The following LOXL4 variants were observed in gnomAD, a reference collection of about 807,000 sequenced individuals.
The protein encoded by LOXL4 is lysyl oxidase like 4, also known as lysyl oxidase homolog 4.
LOXL4 carries 72 observed loss-of-function variants against 89.1 expected under a neutral mutation model. The ratio of observed to expected loss-of-function variants is 0.81; its 90% CI spans 0.67 to 0.98. The LOEUF is 0.98. LOXL4 is among the 50% of genes least tolerant of loss of function. The pLI, the probability that LOXL4 is intolerant of heterozygous loss-of-function variation, is 0.00. For missense variants in LOXL4, 984 were observed against 1,017.5 expected (o/e 0.97, Z 0.45); for synonymous variants, 355 against 392.1 (o/e 0.91, Z 1.12).
chr10:98,258,152 G>A lies in LOXL4; in HGVS notation c.934C>T (p.Arg312Cys), dbSNP rs369940076. 33 of 1,611,086 alleles carry A rather than the reference G, an allele frequency of 2.0e-5. No homozygotes were observed. The highest frequency in any genetic ancestry group is 2.5e-5 in the Non-Finnish European group (30 of 1,178,680). ...KGSWAEEPRVRLRSGAQVGEG... is the reference protein window; with the variant it reads ...KGSWAEEPRVCLRSGAQVGEG... ...CCCACCTGGGCCCCGGAGCGCAGGC[G>A]CACCCTCGGCTCCTGCTGGGAGAAA... Residue 312 changes from arginine to cysteine, a missense_variant, in exon 7 of 15, where the codon CGC (arginine) becomes TGC (cysteine). Transcript: ENST00000260702.
intron 1 of LOXL4, among the ~76,000 whole-genome samples, chr10:98,266,710 C>T (rs867544145): frequency 2.3e-4 from 35 of 152,166 alleles, no homozygotes; most frequent in African/African-American, 8.0e-4. Context: ...CTATAGCCTT[C>T]GTCTCCCAGC....
chr10:98,258,047 C>T lies in LOXL4; in HGVS notation c.1039G>A (p.Val347Ile), dbSNP rs1304946592. The T allele has an allele frequency of 6.2e-7, 1 of 1,613,900 alleles. No homozygotes were observed. Residue 347 changes from valine (V) to isoleucine (I), a missense_variant, in exon 7 of 15, where the codon GTC (valine) becomes ATC (isoleucine). Physicochemically the swap from Val to Ile is conservative, Grantham distance 29 (BLOSUM62 3). Coordinates refer to ENST00000260702, the MANE Select transcript of LOXL4 (RefSeq NM_032211.7). Reference sequence around the variant, plus strand: ...CCAAAGCCCAGCTGACGACACACGACACTGGCAGAGATGAGGTTCCACCTG... The same window carrying T: ...CCAAAGCCCAGCTGACGACACACGATACTGGCAGAGATGAGGTTCCACCTG... ...DHRWNLISAS[V>I]VCRQLGFGSA...
intron 12 of LOXL4, chr10:98,251,924 G>T (rs954279540): frequency 1.2e-5 from 7 of 580,376 alleles, no homozygotes; most frequent in East Asian, 3.0e-5. Context: ...AGGAACTGTG[G>T]TTGGGAGATT....
intron 8 of LOXL4, 37 bp downstream of exon 8, chr10:98,257,613 G>A: frequency 6.3e-7 from 1 of 1,597,274 alleles, no homozygotes; most frequent in Non-Finnish European, 8.5e-7. Flanking sequence ...GGGTTTCCCG[G>A]CCCCCAGCCT....
chr10:98,252,254 C>T (rs10748722), intron 12 of LOXL4, 99 bp downstream of exon 12: 853,714 of 863,696 alleles, frequency 0.99, 422,479 homozygotes, highest in East Asian at 1. Flanking sequence ...TCCAGGTGCC[C>T]TGGGCTGCTG....
intron 11 of LOXL4, among the ~76,000 whole-genome samples, chr10:98,252,948 T>C (rs1000351716): frequency 9.2e-5 from 14 of 152,212 alleles, no homozygotes; most frequent in Admixed American, 2.6e-4. Flanking sequence ...CCAAAGTCAT[T>C]GCCCATTCCT....
In LOXL4 at chr10:98,259,063, C is replaced by T; in HGVS notation, c.867G>A (p.Gly289=). Residue 289 remains glycine (G), a synonymous_variant, in exon 6 of 15, where the codon GGG becomes GGA. Coordinates refer to ENST00000260702, the MANE Select transcript of LOXL4 (RefSeq NM_032211.7). ...GMHAVVSCVA[G]PHFRPPKTKP... ...TTGTCTTCGGTGGGCGGAAGTGAGG[C>T]CCTGCCACACAGCTGACCACAGCGT... The T allele has an allele frequency of 6.3e-7, 1 of 1,576,770 alleles. No homozygotes were observed. The highest frequency in any genetic ancestry group is 8.6e-7 in the Non-Finnish European group (1 of 1,160,232).
intron 2 of LOXL4, 141 bp downstream of exon 2, chr10:98,262,602 G>A (rs1858576825): frequency 1.9e-6 from 2 of 1,048,918 alleles, no homozygotes; most frequent in Non-Finnish European, 2.8e-6. Context: ...GGGGCCATGT[G>A]CAGCTGAGGC....
Position 98,255,187 on chromosome 10 carries a change from A to G in LOXL4, c.1591+390T>C, listed in dbSNP as rs144168208. Among the ~76,000 whole-genome samples, 122 of 152,270 alleles carry G rather than the reference A, an allele frequency of 8.0e-4. 1 individual carries two copies. The highest frequency in any genetic ancestry group is 4.8e-3 in the Admixed American group (74 of 15,298). On this transcript the variant is annotated intron_variant, in intron 10 of 14. Transcript: ENST00000260702. ...GTATGTCCTCTACGACAGCTTTCAA[A>G]CTGCTTTTCTGACTACAAACCACAG...
chr10:98,250,090 GA>G (rs374271279), intron 14 of LOXL4, among the ~76,000 whole-genome samples: 202 of 152,300 alleles, frequency 1.3e-3, no homozygotes, highest in African/African-American at 4.5e-3. Context: ...TTACAAAACA[GA>G]AAACTCAGGT....
In LOXL4 at chr10:98,262,047, G is replaced by A. The variant is rs1858557214; in HGVS notation, c.444C>T (p.Ala148=). Residue 148 remains alanine (A), a synonymous_variant, in exon 3 of 15, where the codon GCC becomes GCT. Transcript: ENST00000260702. The part of the protein sequence containing the change: ...RGYLSETVSN[A]LGPQGRRLEE... ...ACAGCCTCCTCACCTGGGGCCCAAGGGCATTGGAGACAGTTTCAGAAAGGT... is the reference window on the plus strand; with the variant it reads ...ACAGCCTCCTCACCTGGGGCCCAAGAGCATTGGAGACAGTTTCAGAAAGGT... The A allele has an allele frequency of 6.2e-7, 1 of 1,609,556 alleles. No homozygotes were observed. The highest frequency in any genetic ancestry group is 8.5e-7 in the Non-Finnish European group (1 of 1,177,916).
chr10:98,257,542 G>T, intron 8 of LOXL4, 108 bp downstream of exon 8: 1 of 1,347,114 alleles, frequency 7.4e-7, no homozygotes, highest in Non-Finnish European at 1.0e-6. Context: ...AAGCAGAAGC[G>T]CTAGCCGCTC....
chr10:98,249,442 T>A (rs1171679262), intron 14 of LOXL4, among the ~76,000 whole-genome samples: 1 of 152,262 alleles, frequency 6.6e-6, no homozygotes. Context: ...CTGTGACTCC[T>A]GTTCCAGCTA....
intron 1 of LOXL4, 47 bp from the exon 2 acceptor site, chr10:98,263,098 C>G: frequency 6.6e-7 from 1 of 1,506,416 alleles, no homozygotes; most frequent in Non-Finnish European, 9.0e-7. Flanking sequence ...CTACCCAGAT[C>G]TCAGACCTCT....
Position 98,253,537 on chromosome 10 carries a change from A to G in LOXL4, c.1835+16T>C, listed in dbSNP as rs758024696. On this transcript the variant is annotated intron_variant, in intron 11 of 14. Transcript: ENST00000260702. ...GTTCCTAACCCTCTAGTGCCAATGC[A>G]TGGGCAGGCTCTAACCTGTGGCACT... 2.5e-6 allele frequency: 4 copies of G among 1,614,210 alleles called. No individual in the cohort carries two copies. Among genetic ancestry groups the G allele is most frequent in the Middle Eastern group, 1.6e-4 (1 of 6,062 alleles).
rs1442963320 is a variant in LOXL4, at chr10:98,252,361, C to T, written c.1943G>A (p.Cys648Tyr). ...GACAGGAAACCACATACCTGTGGGG[C>T]AGTTTGTGTCCTCCAGACAGAAGCT... The part of the protein sequence containing the change: ...KASFCLEDTN[C>Y]PTGLQRRYAC... Residue 648 changes from cysteine (C) to tyrosine (Y), a missense_variant, in exon 12 of 15, where the codon TGC (cysteine) becomes TAC (tyrosine). Transcript: ENST00000260702. 5 of 1,611,942 alleles carry T rather than the reference C, an allele frequency of 3.1e-6. No homozygotes were observed. The highest frequency in any genetic ancestry group is 2.2e-5 in the East Asian group (1 of 44,846).
At chr10:98,263,626 A>G (rs1439513201) in intron 1 of LOXL4, among the ~76,000 whole-genome samples, 2 of 152,086 alleles carry the variant, frequency 1.3e-5, no homozygotes, top group Non-Finnish European at 2.9e-5. Flanking sequence ...AGAAAGGGCT[A>G]TTAGATGGGC....
rs1476592764 is a variant in LOXL4, at chr10:98,256,951, C to T, written c.1261-4G>A. The T allele has an allele frequency of 6.2e-7, 1 of 1,613,652 alleles. No homozygotes were observed. The highest frequency in any genetic ancestry group is 1.7e-5 in the Admixed American group (1 of 59,976). ...TACGCCCACCAGCCAAGCGCACCTGCAATGGCGAGGGGTGTGTGAGGAGTG... is the reference window on the plus strand; with the variant it reads ...TACGCCCACCAGCCAAGCGCACCTGTAATGGCGAGGGGTGTGTGAGGAGTG... On this transcript the variant is annotated splice_region_variant and splice_polypyrimidine_tract_variant and intron_variant, in intron 8 of 14. Coordinates refer to ENST00000260702, the MANE Select transcript of LOXL4 (RefSeq NM_032211.7).
rs111998048 is a variant in LOXL4 at position 98,253,791 on chromosome 10, G to A, written c.1597C>T (p.Pro533Ser). The change falls in exon 11 of 15, where the codon CCA becomes TCA. Residue 533 changes from proline (P) to serine (S), a missense_variant. By Grantham distance (74) the Pro-to-Ser change is moderately conservative. Coordinates refer to ENST00000260702, the MANE Select transcript of LOXL4 (RefSeq NM_032211.7). ...LAGVSCMDSA[P>S]DLVMNAQLVQ... ...AGCTGGGCGTTCATCACCAGGTCTGGTGCACCTGGGGCGGCGGAGGGCATG... is the reference window on the plus strand; with the variant it reads ...AGCTGGGCGTTCATCACCAGGTCTGATGCACCTGGGGCGGCGGAGGGCATG... The A allele has an allele frequency of 5.0e-6, 8 of 1,613,964 alleles. No homozygotes were observed. The highest frequency in any genetic ancestry group is 4.0e-5 in the African/African-American group (3 of 75,044).
Sources: allele counts gnomAD v4.1 joint callset (sites outside exome capture counted in the v4.1 genomes callset), GRCh38; gene constraint gnomAD v4.1.1; transcripts MANE v1.5; gene names NCBI Gene and HGNC (gene_info 2026-07-23, HGNC 2026-07-21).